ASCC1: variants seen among roughly 807,000 people sequenced by gnomAD.
ASCC1 encodes activating signal cointegrator 1 complex subunit 1, also known as ASC-1 complex subunit P50.
Under a neutral mutation model 46.6 loss-of-function variants are expected in ASCC1, and 35 were observed. The observed-to-expected ratio is 0.75, with a 90% confidence interval of 0.57 to 0.99. ASCC1 has a LOEUF of 0.99. Among genes scored for constraint, ASCC1 ranks in the 50% least tolerant of loss-of-function variants. The pLI is 0.00. For synonymous variants in ASCC1, 143 were observed against 146.6 expected (o/e 0.98, Z 0.18); for missense variants, 376 against 428.7 (o/e 0.88, Z 1.09).
intron 9 of ASCC1, chr10:72,102,898 C>T (rs2131910982): frequency 2.4e-6 from 1 of 416,448 alleles, no homozygotes; most frequent in Admixed American, 2.7e-5. Flanking sequence ...TCACTTGAAC[C>T]CGGGAGGCAC....
chr10:72,117,091 C>T (rs561616118), intron 9 of ASCC1, among the ~76,000 whole-genome samples: 5 of 152,218 alleles, frequency 3.3e-5, no homozygotes, highest in South Asian at 4.2e-4. Context: ...AGCCACCATG[C>T]CTGGCTTTTT....
intron 5 of ASCC1, among the ~76,000 whole-genome samples, chr10:72,164,109 C>A (rs552751642): frequency 6.6e-6 from 1 of 152,130 alleles, no homozygotes; most frequent in Admixed American, 6.5e-5. Flanking sequence ...ATTACAGGTG[C>A]CTGCCACCAC....
At chr10:72,118,438 T>A (rs538934363) in intron 9 of ASCC1, among the ~76,000 whole-genome samples, 1 of 150,038 alleles carries the variant, frequency 6.7e-6, no homozygotes, top group Non-Finnish European at 1.5e-5. Flanking sequence ...AATCGAATAA[T>A]AAAAATGGAT....
chr10:72,125,805 C>A (rs1262935906), intron 9 of ASCC1, among the ~76,000 whole-genome samples: 1 of 152,164 alleles, frequency 6.6e-6, no homozygotes, highest in Non-Finnish European at 1.5e-5. Context: ...CCATAACTCA[C>A]CCCATGGTTT....
At chr10:72,103,741 A>C (rs1842051621) in intron 9 of ASCC1, among the ~76,000 whole-genome samples, 1 of 152,118 alleles carries the variant, frequency 6.6e-6, no homozygotes, top group Admixed American at 6.5e-5. Flanking sequence ...GGAAAGGAAT[A>C]TCCTTATCTG....
intron 9 of ASCC1, 65 bp from the exon 10 acceptor site, chr10:72,097,515 G>T: frequency 2.0e-6 from 2 of 999,322 alleles, no homozygotes; most frequent in East Asian, 5.0e-5. Context: ...TTAAACATCA[G>T]ATTATCTTGT....
In ASCC1 at chr10:72,199,862, G is replaced by T. The variant is rs575110828; in HGVS notation, c.311-2873C>A. The stretch of plus-strand genomic sequence containing the variant: ...TCCTCCCACCTCAGCCTCCCAAGTA[G>T]CTGAGACTACAAGCATGTGCCACCA... On this transcript the variant is annotated intron_variant, in intron 4 of 9. Coordinates refer to ENST00000672957, the MANE Select transcript of ASCC1 (RefSeq NM_001198800.3). Among the ~76,000 whole-genome samples the T allele has an allele frequency of 1.2e-3, 183 of 152,206 alleles. 1 individual carries two copies. The highest frequency in any genetic ancestry group is 4.2e-3 in the African/African-American group (175 of 41,542).
chr10:72,150,294 A>C (rs2132527810), intron 7 of ASCC1, among the ~76,000 whole-genome samples: 1 of 152,232 alleles, frequency 6.6e-6, no homozygotes, highest in South Asian at 2.1e-4. Flanking sequence ...AAATGAAATG[A>C]GATAAGACAC....
At chr10:72,199,906 A>AT (rs1385048342) in intron 4 of ASCC1, among the ~76,000 whole-genome samples, 2 of 151,650 alleles carry the variant, frequency 1.3e-5, no homozygotes. Flanking sequence ...CAATTTTTGT[A>AT]TTTTTTTGTA....
At chr10:72,134,749 C>A (rs1202077543) in intron 7 of ASCC1, among the ~76,000 whole-genome samples, 1 of 152,064 alleles carries the variant, frequency 6.6e-6, no homozygotes, top group Non-Finnish European at 1.5e-5. Flanking sequence ...TGGGAACCAG[C>A]AAAGACAACT....
At chr10:72,202,046 T>G (rs1431389544) in intron 4 of ASCC1, among the ~76,000 whole-genome samples, 2 of 151,772 alleles carry the variant, frequency 1.3e-5, no homozygotes, top group African/African-American at 4.8e-5. Context: ...AACCAAAAAT[T>G]CAAGATCAGC....
At chr10:72,164,536 T>C (rs1850103119) in intron 5 of ASCC1, among the ~76,000 whole-genome samples, 1 of 152,368 alleles carries the variant, frequency 6.6e-6, no homozygotes, top group Admixed American at 6.5e-5. Context: ...TTAATTCATC[T>C]ATTGAAGATT....
chr10:72,139,350 G>A (rs529614385), intron 7 of ASCC1, among the ~76,000 whole-genome samples: 123 of 152,016 alleles, frequency 8.1e-4, no homozygotes, highest in African/African-American at 2.9e-3. Context: ...TCCTGACCTC[G>A]TGATCCACCC....
At position 72,210,912 on chromosome 10, in the gene ASCC1, T is replaced by C. The variant is rs1857995275; in HGVS notation, c.113-81A>G. On this transcript the variant is annotated intron_variant, in intron 2 of 9. Transcript: ENST00000672957. The stretch of plus-strand genomic sequence containing the variant: ...CTTTCGCCTCAGCTGTCAACCGCTG[T>C]TGAGGTTTAAAAAAAGCAATACACA... The C allele has an allele frequency of 5.9e-6, 8 of 1,353,736 alleles. No individual in the cohort carries two copies. In the Admixed American group the frequency reaches 1.5e-4, roughly 25 times the overall value. The allele number at this position is 1,353,736 out of a possible 1,614,324, so 83.9% of individuals were successfully genotyped here.
rs1284747658 is a variant in ASCC1, at chr10:72,096,182, G to A, written c.*1152C>T. ...AGAGAAAGAATCAAGGCAAGAATAA[G>A]GAAGGAGAAGAAGGAGAGGACATGG... On this transcript the variant is annotated 3_prime_UTR_variant, in exon 10 of 10. Coordinates refer to ENST00000672957, the MANE Select transcript of ASCC1 (RefSeq NM_001198800.3). The A allele has an allele frequency of 2.9e-5, 13 of 454,078 alleles. No individual in the cohort carries two copies. The highest frequency in any genetic ancestry group is 2.0e-4 in the South Asian group (13 of 64,478). The allele number at this position is 454,078 out of a possible 1,614,324, so 28.1% of individuals were successfully genotyped here. A position where few individuals can be genotyped will look rare whatever the true frequency, so the allele number is the denominator to read the frequency against.
chr10:72,097,388 G>A lies in ASCC1; in HGVS notation c.1020C>T (p.Phe340=). 2 of 1,614,032 alleles carry A rather than the reference G, an allele frequency of 1.2e-6. No individual in the cohort carries two copies. The highest frequency in any genetic ancestry group is 2.2e-5 in the East Asian group (1 of 44,878). ...KLNSIHISQR[F]TVDSFGNYAS... The stretch of plus-strand genomic sequence containing the variant: ...CGTAGTTTCCAAAGCTGTCTACGGT[G>A]AACCTCTGAGAGATGTGAATTGAAT... The change falls in exon 10 of 10, where the codon TTC becomes TTT. Residue 340 remains phenylalanine (F), a synonymous_variant. Coordinates refer to ENST00000672957, the MANE Select transcript of ASCC1 (RefSeq NM_001198800.3).
chr10:72,160,943 C>G (rs376216983), intron 6 of ASCC1, among the ~76,000 whole-genome samples: 1 of 151,678 alleles, frequency 6.6e-6, no homozygotes, highest in African/African-American at 2.4e-5. Flanking sequence ...ATTAGCCGGA[C>G]GCGGTGGCGG....
intron 5 of ASCC1, among the ~76,000 whole-genome samples, chr10:72,171,252 C>T (rs919974413): frequency 9.9e-5 from 15 of 152,158 alleles, no homozygotes; most frequent in Admixed American, 1.3e-4. Context: ...TTCTGGAGGT[C>T]AGAAGTCTAA....
intron 9 of ASCC1, among the ~76,000 whole-genome samples, chr10:72,112,709 T>C (rs1317872144): frequency 1.3e-5 from 2 of 151,612 alleles, no homozygotes; most frequent in South Asian, 2.1e-4. Context: ...TGAAACCCCA[T>C]CTCTACTAAA....
Sources: allele counts gnomAD v4.1 joint callset (sites outside exome capture counted in the v4.1 genomes callset), GRCh38; gene constraint gnomAD v4.1.1; transcripts MANE v1.5; gene names NCBI Gene and HGNC (gene_info 2026-07-23, HGNC 2026-07-21).